IL1RAP: variants seen among roughly 807,000 people sequenced by gnomAD.
The protein encoded by IL1RAP is interleukin-1 receptor accessory protein.
In IL1RAP, 35 loss-of-function variants were observed where a neutral mutation model predicts 60.7. The observed-to-expected ratio is 0.58, with a 90% CI of 0.44 to 0.76. The LOEUF (loss-of-function observed/expected upper bound fraction) is 0.76. Among genes scored for constraint, IL1RAP ranks in the 30% least tolerant of loss-of-function variants. The probability of loss-of-function intolerance (pLI) is 0.00; values close to 1 mark genes in which losing one functional copy is unlikely to be tolerated. For synonymous variants in IL1RAP, 268 were observed against 250.9 expected (o/e 1.07, Z -0.64); for missense variants, 572 against 693.9 (o/e 0.82, Z 1.97).
intron 3 of IL1RAP, among the ~76,000 whole-genome samples, chr3:190,566,863 T>C (rs1021106563): frequency 1.3e-5 from 2 of 152,160 alleles, no homozygotes; most frequent in Admixed American, 1.3e-4. Context: ...GTATTGCCTT[T>C]TACAAGGCAT....
chr3:190,605,024 T>G (rs1030399190), intron 4 of IL1RAP, among the ~76,000 whole-genome samples: 1 of 152,208 alleles, frequency 6.6e-6, no homozygotes, highest in African/African-American at 2.4e-5. Flanking sequence ...CTCTCCCATT[T>G]GTCCAAGGTT....
chr3:190,606,600 A>G (rs1332674165), intron 4 of IL1RAP, among the ~76,000 whole-genome samples: 1 of 152,180 alleles, frequency 6.6e-6, no homozygotes, highest in Non-Finnish European at 1.5e-5. Flanking sequence ...CTTCTTTTAC[A>G]TTATAGGAGT....
chr3:190,620,316 A>C lies in IL1RAP; in HGVS notation c.579A>C (p.Glu193Asp). Residue 193 changes from glutamate (E) to aspartate (D), a missense_variant, in exon 6 of 12, where the codon GAA becomes GAC. Physicochemically the swap from Glu to Asp is conservative, Grantham distance 45. Transcript: ENST00000447382. ...KIQNFNNVIP[E>D]GMNLSFLIAL... ...AGAATTTTAATAATGTAATACCCGA[A>C]GGTATGAACTTGAGTTTCCTCATTG... 6.3e-7 allele frequency: 1 copy of C among 1,593,126 alleles called. No homozygotes were observed. The highest frequency in any genetic ancestry group is 8.6e-7 in the Non-Finnish European group (1 of 1,162,352).
intron 3 of IL1RAP, among the ~76,000 whole-genome samples, chr3:190,575,585 C>T (rs923293398): frequency 6.6e-6 from 1 of 152,092 alleles, no homozygotes; most frequent in Non-Finnish European, 1.5e-5. Context: ...AGATGTAGGC[C>T]TTGGGTTGCA....
rs1732372661 is a variant in IL1RAP at position 190,627,256 on chromosome 3, TTTG to T, written c.776-64_776-62del. On this transcript the variant is annotated intron_variant, in intron 7 of 11. Coordinates refer to ENST00000447382, the MANE Select transcript of IL1RAP (RefSeq NM_002182.4). The stretch of plus-strand genomic sequence containing the variant: ...TAATGGGCTAACTTTGTCTTTGTTT[TTTG>T]TTTTGTTTTGTTTTGTTTTGTTTTG... The T allele has an allele frequency of 4.7e-4, 13 of 27,470 alleles. No homozygotes were observed. The African/African-American group carries it at 0.019, about 40-fold the overall frequency. 1.7% of individuals were successfully genotyped at this position (27,470 alleles called of 1,614,324 possible).
At chr3:190,552,950 C>A (rs550894834) in intron 1 of IL1RAP, among the ~76,000 whole-genome samples, 3 of 152,278 alleles carry the variant, frequency 2.0e-5, no homozygotes, top group Admixed American at 2.0e-4. Flanking sequence ...CCTTAATACT[C>A]GACAAGTGGC....
intron 1 of IL1RAP, among the ~76,000 whole-genome samples, chr3:190,550,887 C>T (rs537218634): frequency 3.3e-5 from 5 of 152,314 alleles, no homozygotes; most frequent in African/African-American, 1.2e-4. Flanking sequence ...CGTGGTAGGA[C>T]TGACTTGTTT....
At chr3:190,645,582 G>A (rs1267673591) in intron 10 of IL1RAP, 117 bp from the exon 11 acceptor site, 14 of 771,566 alleles carry the variant, frequency 1.8e-5, no homozygotes, top group Admixed American at 8.4e-5. Flanking sequence ...GTAGAAAATC[G>A]CACTGGAATC....
At chr3:190,642,328 A>C (rs1733716536) in intron 9 of IL1RAP, 1 of 153,780 alleles carries the variant, frequency 6.5e-6, no homozygotes, top group Non-Finnish European at 1.4e-5. Context: ...TCTGCAATAG[A>C]GGGGGACTGG....
At chr3:190,544,934 A>G (rs1724241598) in intron 1 of IL1RAP, among the ~76,000 whole-genome samples, 1 of 152,250 alleles carries the variant, frequency 6.6e-6, no homozygotes, top group Non-Finnish European at 1.5e-5. Flanking sequence ...GCCTAAGCTG[A>G]ACAATGTGGT....
At chr3:190,567,915 G>A (rs1356363821) in intron 3 of IL1RAP, among the ~76,000 whole-genome samples, 1 of 152,082 alleles carries the variant, frequency 6.6e-6, no homozygotes, top group Non-Finnish European at 1.5e-5. Context: ...CTCAATACAC[G>A]TCTCTTTTGC....
chr3:190,659,258 G>A (rs1358078461), exon 12 of IL1RAP: 1 of 152,148 alleles, frequency 6.6e-6, no homozygotes, highest in East Asian at 1.9e-4. Context: ...AATTAAATAT[G>A]AGCTCATATT....
At chr3:190,566,131 G>A (rs1053564028) in intron 3 of IL1RAP, among the ~76,000 whole-genome samples, 3 of 151,904 alleles carry the variant, frequency 2.0e-5, no homozygotes, top group African/African-American at 2.4e-5. Flanking sequence ...CTGCCTGAGG[G>A]CAGGAACTTG....
At chr3:190,557,468 T>C (rs1725522427) in intron 2 of IL1RAP, among the ~76,000 whole-genome samples, 2 of 152,172 alleles carry the variant, frequency 1.3e-5, no homozygotes, top group Non-Finnish European at 2.9e-5. Flanking sequence ...AGCTATTTCC[T>C]AAAAAGGGAG....
chr3:190,605,752 G>A (rs2059021), intron 4 of IL1RAP, among the ~76,000 whole-genome samples: 89,424 of 151,920 alleles, frequency 0.59, 29,475 homozygotes, highest in East Asian at 0.82. Flanking sequence ...TCTTAATCTC[G>A]TCTTCTGATA....
At chr3:190,522,699 G>A (rs1314874877) in intron 1 of IL1RAP, among the ~76,000 whole-genome samples, 2 of 152,078 alleles carry the variant, frequency 1.3e-5, no homozygotes, top group Non-Finnish European at 2.9e-5. Flanking sequence ...GGATGGCAAA[G>A]GATAGGAAAT....
Position 190,623,387 on chromosome 3 carries a change from T to A in IL1RAP, c.747T>A (p.Asn249Lys). 1 of 1,613,418 alleles carries A rather than the reference T, an allele frequency of 6.2e-7. No individual in the cohort carries two copies. ...TGCCCCCTGTGATCCATTCACCTAA[T>A]GATCATGTGGTCTATGAGAAAGAAC... is the stretch of plus-strand genomic sequence containing the variant. ...NAVPPVIHSPNDHVVYEKEPG... is the reference protein window; with the variant it reads ...NAVPPVIHSPKDHVVYEKEPG... Residue 249 changes from asparagine to lysine, a missense_variant, in exon 7 of 12, where the codon AAT (asparagine) becomes AAA (lysine). By Grantham distance (94) the Asn-to-Lys change is moderately conservative. Coordinates refer to ENST00000447382, the MANE Select transcript of IL1RAP (RefSeq NM_002182.4).
intron 7 of IL1RAP, among the ~76,000 whole-genome samples, chr3:190,625,616 A>G (rs192065268): frequency 6.6e-6 from 1 of 152,342 alleles, no homozygotes; most frequent in East Asian, 1.9e-4. Flanking sequence ...TTGATCTTGT[A>G]TGTTATGTAT....
intron 7 of IL1RAP, 57 bp from the exon 8 acceptor site, chr3:190,627,266 T>G: frequency 7.3e-7 from 1 of 1,363,246 alleles, no homozygotes; most frequent in Non-Finnish European, 1.0e-6. Flanking sequence ...TTTGTTTTGT[T>G]TTGTTTTGTT....
Sources: gnomAD v4.1 joint callset for allele counts (sites outside exome capture counted in the v4.1 genomes callset) on GRCh38, gnomAD v4.1.1 for gene constraint, MANE v1.5 for transcripts, NCBI Gene and HGNC (gene_info 2026-07-23, HGNC 2026-07-21) for gene names.